VSX1: variants seen among roughly 807,000 people sequenced by gnomAD.
VSX1 encodes the protein homeodomain protein RINX.
A neutral mutation model predicts 23.6 loss-of-function variants in VSX1; 23 were observed. The ratio of observed to expected loss-of-function variants is 0.97; its 90% CI spans 0.70 to 1.38. VSX1 has a LOEUF of 1.38. Among genes scored for constraint, VSX1 ranks in the 40% most tolerant of loss-of-function variants. The probability of loss-of-function intolerance (pLI) is 0.00; values close to 1 mark genes in which losing one functional copy is unlikely to be tolerated. For synonymous variants in VSX1, 247 were observed against 215.1 expected (o/e 1.15, Z -1.30); for missense variants, 517 against 495.4 (o/e 1.04, Z -0.41).
At chr20:25,081,275 G>A (rs150081912) in intron 1 of VSX1, among the ~76,000 whole-genome samples, 2 of 152,344 alleles carry the variant, frequency 1.3e-5, no homozygotes, top group African/African-American at 4.8e-5. Flanking sequence ...TACCTTGTTC[G>A]GTGCTGCTGG....
intron 3 of VSX1, 87 bp from the exon 4 acceptor site, chr20:25,077,952 C>G: frequency 6.9e-7 from 1 of 1,450,652 alleles, no homozygotes; most frequent in Non-Finnish European, 9.4e-7. Context: ...TCCCAGGGCT[C>G]GGATCTTCTC....
At position 25,081,556 on chromosome 20, in the gene VSX1, C is replaced by T. The variant is rs2089643241; in HGVS notation, c.424+117G>A. 3 of 1,480,392 alleles carry T rather than the reference C, an allele frequency of 2.0e-6. No individual in the cohort carries two copies. The South Asian group carries it at 3.4e-5, about 17-fold the overall frequency. The allele number at this position is 1,480,392 out of a possible 1,614,324, so 91.7% of individuals were successfully genotyped here. A position where few individuals can be genotyped will look rare whatever the true frequency, so the allele number is the denominator to read the frequency against. On this transcript the variant is annotated intron_variant, in intron 1 of 4. Coordinates refer to ENST00000376709, the MANE Select transcript of VSX1 (RefSeq NM_014588.6). ...CCGCGACGGGGCCTCGCTCTGGGCT[C>T]CCCGCCTAGATCTGGGCCGCTGGGG...
downstream of VSX1, among the ~76,000 whole-genome samples, chr20:25,074,442 C>A (rs2089444673): frequency 6.6e-6 from 1 of 152,146 alleles, no homozygotes; most frequent in Admixed American, 6.5e-5. Flanking sequence ...TGCTTCTAGC[C>A]CCTTTCTCTC....
At chr20:25,079,355 T>C (rs950893893) in intron 2 of VSX1, 81 bp downstream of exon 2, 2 of 1,417,450 alleles carry the variant, frequency 1.4e-6, no homozygotes, top group Non-Finnish European at 1.9e-6. Flanking sequence ...TGCCGGGCCA[T>C]AAATTCTCAG....
At chr20:25,072,703 TG>T (rs2089405190), downstream of VSX1, 1 of 470,628 alleles carries the variant, frequency 2.1e-6, no homozygotes, top group Non-Finnish European at 4.4e-6. Context: ...AAAACAATTG[TG>T]TTTTCATATA....
rs1000471831 is a variant in VSX1, at chr20:25,079,371, G to T, written c.503+65C>A. ...GCCGGGCCATAAATTCTCAGATGCA[G>T]GTGCCATAAACCTTGGGCTGTGTCC... On this transcript the variant is annotated intron_variant, in intron 2 of 4. Coordinates refer to ENST00000376709, the MANE Select transcript of VSX1 (RefSeq NM_014588.6). 1.1e-4 allele frequency: 158 copies of T among 1,483,562 alleles called. 1 individual carries two copies. In the East Asian group the frequency reaches 2.4e-3, roughly 23 times the overall value. 91.9% of individuals were successfully genotyped at this position (1,483,562 alleles called of 1,614,324 possible).
At chr20:25,071,665 G>A (rs2089381810), downstream of VSX1, 1 of 606,498 alleles carries the variant, frequency 1.6e-6, no homozygotes, top group South Asian at 1.5e-5. Flanking sequence ...CCTGTCACTA[G>A]GACCTAGCTG....
At position 25,082,022 on chromosome 20, in the gene VSX1, G is replaced by A. The variant is rs2089662046; in HGVS notation, c.75C>T (p.Gly25=). Residue 25 remains glycine, a synonymous_variant, in exon 1 of 5, where the codon GGC becomes GGT. Coordinates refer to ENST00000376709, the MANE Select transcript of VSX1 (RefSeq NM_014588.6). ...TGATGGCGAAGCCCCGGGGGCGCGA[G>A]CCCCTAGGGGAACCGCCAGGCACCA... ...RALVPGGSPR[G]SRPRGFAITD... is the part of the protein sequence containing the mutation. 3.9e-6 allele frequency: 6 copies of A among 1,536,024 alleles called. No homozygotes were observed. In the East Asian group the frequency reaches 9.7e-5, roughly 25 times the overall value.
chr20:25,079,382 C>A, intron 2 of VSX1, 54 bp downstream of exon 2: 13 of 1,547,018 alleles, frequency 8.4e-6, no homozygotes, highest in Non-Finnish European at 1.1e-5. Context: ...GTGCCATAAA[C>A]CTTGGGCTGT....
intron 3 of VSX1, 107 bp downstream of exon 3, chr20:25,078,722 A>T (rs1165019371): frequency 2.5e-6 from 4 of 1,613,264 alleles, no homozygotes; most frequent in Non-Finnish European, 3.4e-6. Context: ...TTCTATGCAA[A>T]GGGAGCGTGT....
Position 25,079,439 on chromosome 20 carries a change from T to C in VSX1, c.500A>G (p.His167Arg). 6.2e-7 allele frequency: 1 copy of C among 1,611,488 alleles called. No individual in the cohort carries two copies. The highest frequency in any genetic ancestry group is 8.5e-7 in the Non-Finnish European group (1 of 1,179,420). Reference protein sequence around the residue: ...PTLGKRKKRRHRTVFTAHQLE... With the variant: ...PTLGKRKKRRRRTVFTAHQLE... ...AGGGGACTGCCTGGCCCTATACCTGTGCCGCCGCTTCTTCCTCTTGCCCAA... is the reference window on the plus strand; with the variant it reads ...AGGGGACTGCCTGGCCCTATACCTGCGCCGCCGCTTCTTCCTCTTGCCCAA... The change falls in exon 2 of 5, where the codon CAC becomes CGC. Residue 167 changes from histidine to arginine, a missense_variant. His to Arg is a conservative substitution (Grantham distance 29). Transcript: ENST00000376709.
downstream of VSX1, chr20:25,071,895 G>C (rs1477558669): frequency 1.4e-6 from 1 of 709,946 alleles, no homozygotes; most frequent in Admixed American, 2.0e-5. Flanking sequence ...TCTCCAGAGG[G>C]GCAGACTTTA....
downstream of VSX1, chr20:25,071,364 T>C (rs1428564840): frequency 2.2e-6 from 1 of 453,754 alleles, no homozygotes; most frequent in African/African-American, 2.0e-5. Flanking sequence ...CCTAGCAACA[T>C]AGGAGACTGA....
intron 3 of VSX1, 190 bp from the exon 4 acceptor site, chr20:25,078,055 C>G: frequency 1.4e-6 from 1 of 709,804 alleles, no homozygotes; most frequent in Non-Finnish European, 2.3e-6. Flanking sequence ...CCCCCAGCAG[C>G]GCCCACGTGC....
chr20:25,078,259 G>A (rs1008107625), intron 3 of VSX1, among the ~76,000 whole-genome samples: 31 of 152,176 alleles, frequency 2.0e-4, no homozygotes, highest in African/African-American at 7.0e-4. Context: ...GGCTCCTTCC[G>A]AGCTTAGGCT....
intron 2 of VSX1, 35 bp downstream of exon 2, chr20:25,079,401 G>C (rs1181045331): frequency 1.9e-6 from 3 of 1,591,358 alleles, no homozygotes; most frequent in Non-Finnish European, 1.7e-6. Flanking sequence ...GTGTCCCGAG[G>C]AAAGGCAGGC....
At position 25,075,890 on chromosome 20, in the gene VSX1, G is replaced by C. The variant is rs938315654; in HGVS notation, c.*371C>G. On this transcript the variant is annotated 3_prime_UTR_variant, in exon 5 of 5. Transcript: ENST00000376709. The stretch of plus-strand genomic sequence containing the variant: ...AAACAATTTTATATTTCCTAATTGA[G>C]AATGAGGACATCAGACCTAACCTAT... 2.1e-5 allele frequency: 5 copies of C among 235,846 alleles called. No homozygotes were observed. The highest frequency in any genetic ancestry group is 1.1e-4 in the African/African-American group (5 of 43,660). The allele number at this position is 235,846 out of a possible 1,614,324, so 14.6% of individuals were successfully genotyped here.
At chr20:25,078,373 G>A (rs1316280149) in intron 3 of VSX1, among the ~76,000 whole-genome samples, 6 of 152,124 alleles carry the variant, frequency 3.9e-5, no homozygotes, top group Non-Finnish European at 7.4e-5. Flanking sequence ...CATATCTTCT[G>A]ATAAAACCAA....
At chr20:25,079,757 AT>A (rs2089601151) in intron 1 of VSX1, among the ~76,000 whole-genome samples, 2 of 151,916 alleles carry the variant, frequency 1.3e-5, no homozygotes, top group Admixed American at 6.6e-5. Context: ...TTATCATCCT[AT>A]TTTTACAGAT....
Sources: allele counts gnomAD v4.1 joint callset (sites outside exome capture counted in the v4.1 genomes callset), GRCh38; gene constraint gnomAD v4.1.1; transcripts MANE v1.5; gene names NCBI Gene and HGNC (gene_info 2026-07-23, HGNC 2026-07-21).